MOB1A: variants seen among roughly 807,000 people sequenced by gnomAD.
MOB1A encodes the protein MOB1 Mps One Binder homolog A.
MOB1A carries 10 observed loss-of-function variants against 25.1 expected under a neutral mutation model. That is an observed-to-expected ratio of 0.40 (90% CI 0.25 to 0.68). The LOEUF is 0.68. Ranked by LOEUF, MOB1A falls within the 30% of genes least tolerant of loss-of-function variation. MOB1A has a pLI of 0.40. For synonymous variants in MOB1A, 81 were observed against 79.5 expected, an observed-to-expected ratio of 1.02 and a Z score of -0.10; for missense variants, 177 against 256.3, an observed-to-expected ratio of 0.69 and a Z score of 2.11.
At chr2:74,174,085 G>A (rs1404499404) in intron 1 of MOB1A, among the ~76,000 whole-genome samples, 1 of 149,126 alleles carries the variant, frequency 6.7e-6, no homozygotes, top group Non-Finnish European at 1.5e-5. Context: ...GCCCAACATG[G>A]TGAAACCCCG....
chr2:74,170,448 T>A (rs1290807737), intron 2 of MOB1A, among the ~76,000 whole-genome samples: 2 of 152,098 alleles, frequency 1.3e-5, no homozygotes, highest in Non-Finnish European at 2.9e-5. Flanking sequence ...TGAATAAAGT[T>A]TTTTAAAAAA....
chr2:74,158,961 A>C (rs2103692358), intron 5 of MOB1A, 130 bp downstream of exon 5: 1 of 923,188 alleles, frequency 1.1e-6, no homozygotes, highest in East Asian at 2.4e-5. Context: ...AAAAGAGAAC[A>C]AAACAGAAAA....
At position 74,159,100 on chromosome 2, in the gene MOB1A, G is replaced by A; in HGVS notation, c.564C>T (p.Phe188=). ...ACATGGATCAACTTACCTGAACAAA[G>A]AAAATAAAGTGCTTAAAGGAGGTGT... ...HLNTSFKHFI[F]FVQEFNLIDR... is the part of the protein sequence containing the mutation. Residue 188 remains phenylalanine (F), a synonymous_variant, in exon 5 of 6, where the codon TTC becomes TTT. Transcript: ENST00000396049. 1 of 1,613,736 alleles carries A rather than the reference G, an allele frequency of 6.2e-7. No individual in the cohort carries two copies. Among genetic ancestry groups the A allele is most frequent in the Non-Finnish European group, 8.5e-7 (1 of 1,179,812 alleles).
chr2:74,166,186 G>GAT, intron 3 of MOB1A, among the ~76,000 whole-genome samples: 1 of 151,902 alleles, frequency 6.6e-6, no homozygotes, highest in East Asian at 1.9e-4. Flanking sequence ...ATGAGTGATA[G>GAT]AGTTCCATCT....
chr2:74,160,594 G>A (rs1458317120), intron 4 of MOB1A, among the ~76,000 whole-genome samples: 4 of 151,824 alleles, frequency 2.6e-5, no homozygotes, highest in Admixed American at 6.6e-5. Flanking sequence ...CCAGCTACTC[G>A]GGAGGCTGAG....
chr2:74,175,832 T>C (rs1000552196), intron 1 of MOB1A, among the ~76,000 whole-genome samples: 1 of 152,062 alleles, frequency 6.6e-6, no homozygotes, highest in African/African-American at 2.4e-5. Context: ...TGTAAATACA[T>C]AGAAAATATC....
rs1489632155 is a variant in MOB1A at position 74,178,653 on chromosome 2, C to T, written c.14+8G>A. The stretch of plus-strand genomic sequence containing the variant: ...CAGGCCCGGCGCCCGCGGCCCGACC[C>T]CACTCACAAGAGGAAGCTCATCTTC... On this transcript the variant is annotated splice_region_variant and intron_variant, in intron 1 of 5. Transcript: ENST00000396049. The T allele has an allele frequency of 2.2e-6, 3 of 1,381,968 alleles. No homozygotes were observed. The South Asian group carries it at 5.2e-5, about 24-fold the overall frequency. The allele number at this position is 1,381,968 out of a possible 1,614,324, so 85.6% of individuals were successfully genotyped here. A position where few individuals can be genotyped will look rare whatever the true frequency, so the allele number is the denominator to read the frequency against.
chr2:74,166,941 A>T lies in MOB1A; in HGVS notation c.275+73T>A, dbSNP rs182144555. 5.0e-4 allele frequency: 536 copies of T among 1,079,070 alleles called. 1 individual carries two copies. Among genetic ancestry groups the T allele is most frequent in the Admixed American group, 1.3e-3 (63 of 49,718 alleles). The allele number at this position is 1,079,070 out of a possible 1,614,324, so 66.8% of individuals were successfully genotyped here. The stretch of plus-strand genomic sequence containing the variant: ...TCACACAAACGGATAACAAATCTTA[A>T]CTGTTTAATTTCTATCAATTGGTGA... On this transcript the variant is annotated intron_variant, in intron 3 of 5. Transcript: ENST00000396049.
At chr2:74,161,038 C>T (rs560016546) in intron 4 of MOB1A, among the ~76,000 whole-genome samples, 1 of 152,056 alleles carries the variant, frequency 6.6e-6, no homozygotes, top group Admixed American at 6.6e-5. Flanking sequence ...CCAGTCTGGG[C>T]GGCAGAGTGA....
chr2:74,173,208 T>G (rs747317032), intron 1 of MOB1A: 2 of 517,992 alleles, frequency 3.9e-6, no homozygotes, highest in African/African-American at 3.9e-5. Context: ...AATGCTTTTT[T>G]TCCCCTGCCT....
chr2:74,177,429 C>T lies in MOB1A; in HGVS notation c.14+1232G>A, dbSNP rs1028583266. Among the ~76,000 whole-genome samples the T allele has an allele frequency of 4.6e-5, 7 of 151,968 alleles. No individual in the cohort carries two copies. In the South Asian group the frequency reaches 1.0e-3, roughly 22 times the overall value. On this transcript the variant is annotated intron_variant, in intron 1 of 5. Transcript: ENST00000396049. ...TGCATTCACTAATTAAATATCAACT[C>T]GTAAGAAAAAAGTGGAGGAGGGAGG...
At chr2:74,172,780 A>G in intron 1 of MOB1A, 28 bp from the exon 2 acceptor site, 1 of 1,597,478 alleles carries the variant, frequency 6.3e-7, no homozygotes, top group South Asian at 1.1e-5. Context: ...CAAGTATATG[A>G]ATTTTTAAGA....
At position 74,152,929 on chromosome 2, in the gene MOB1A, A is replaced by G. The variant is rs1020839310; in HGVS notation, c.*3639T>C. 6.6e-6 allele frequency: 1 copy of G among 152,256 alleles called. No homozygotes were observed. Among genetic ancestry groups the G allele is most frequent in the African/African-American group, 2.4e-5 (1 of 41,472 alleles). The allele number at this position is 152,256 out of a possible 1,614,324, so 9.4% of individuals were successfully genotyped here. On this transcript the variant is annotated 3_prime_UTR_variant, in exon 6 of 6. Coordinates refer to ENST00000396049, the MANE Select transcript of MOB1A (RefSeq NM_018221.5). ...ATGAATGTCAGTGCAGTTGCTTCAA[A>G]AAAATTACTGCTACCACATGTACTA...
rs1300102664 is a variant in MOB1A at position 74,165,646 on chromosome 2, A to G, written c.276-295T>C. ...AGGAACTGCATTCCTGTAAAGCAGA[A>G]GGTTGCTGAGGGCTGGGCATGGAGC... On this transcript the variant is annotated intron_variant, in intron 3 of 5. Coordinates refer to ENST00000396049, the MANE Select transcript of MOB1A (RefSeq NM_018221.5). Among the ~76,000 whole-genome samples the G allele has an allele frequency of 3.3e-5, 5 of 152,310 alleles. No homozygotes were observed. The East Asian group carries it at 5.8e-4, about 18-fold the overall frequency.
rs1692743896 is a variant in MOB1A, at chr2:74,154,319, C to T, written c.*2249G>A. ...CCTCCAATTCTCCTCCTCCCCTTGG[C>T]TCCCTAGCCTTGGAGGTAAACACTA... is the stretch of plus-strand genomic sequence containing the variant. On this transcript the variant is annotated 3_prime_UTR_variant, in exon 6 of 6. Coordinates refer to ENST00000396049, the MANE Select transcript of MOB1A (RefSeq NM_018221.5). The T allele has an allele frequency of 6.6e-6, 1 of 152,178 alleles. No individual in the cohort carries two copies. The highest frequency in any genetic ancestry group is 6.6e-5 in the Admixed American group (1 of 15,260). 9.4% of individuals were successfully genotyped at this position (152,178 alleles called of 1,614,324 possible). A position where few individuals can be genotyped will look rare whatever the true frequency, so the allele number is the denominator to read the frequency against.
rs1250898595 is a variant in MOB1A at position 74,154,718 on chromosome 2, T to C, written c.*1850A>G. 6.6e-6 allele frequency: 1 copy of C among 152,238 alleles called. No homozygotes were observed. The highest frequency in any genetic ancestry group is 1.5e-5 in the Non-Finnish European group (1 of 68,038). The allele number at this position is 152,238 out of a possible 1,614,324, so 9.4% of individuals were successfully genotyped here. On this transcript the variant is annotated 3_prime_UTR_variant, in exon 6 of 6. Transcript: ENST00000396049. ...GTTTAAAGTTGAGAGGCAGTTCACA[T>C]CCTAAGTGATACCTAGAAACCTGCT... is the stretch of plus-strand genomic sequence containing the variant.
rs1692748847 is a variant in MOB1A at position 74,154,532 on chromosome 2, G to A, written c.*2036C>T. The A allele has an allele frequency of 7.8e-6, 1 of 128,036 alleles. No homozygotes were observed. Among genetic ancestry groups the A allele is most frequent in the Non-Finnish European group, 1.8e-5 (1 of 55,436 alleles). 7.9% of individuals were successfully genotyped at this position (128,036 alleles called of 1,614,324 possible). ...TCTTTCATTTGCTTTGGAGCTTAGTGGTGAAGAGAGGGAACATTTCCATAA... is the reference window on the plus strand; with the variant it reads ...TCTTTCATTTGCTTTGGAGCTTAGTAGTGAAGAGAGGGAACATTTCCATAA... On this transcript the variant is annotated 3_prime_UTR_variant, in exon 6 of 6. Transcript: ENST00000396049.
At chr2:74,177,750 GATA>G (rs1693516337) in intron 1 of MOB1A, among the ~76,000 whole-genome samples, 1 of 152,174 alleles carries the variant, frequency 6.6e-6, no homozygotes, top group African/African-American at 2.4e-5. Context: ...ACTAAAATTG[GATA>G]ATTATTCAAT....
At chr2:74,165,022 T>C (rs1480519609) in intron 4 of MOB1A, 196 bp downstream of exon 4, 2 of 330,328 alleles carry the variant, frequency 6.1e-6, no homozygotes, top group African/African-American at 2.1e-5. Flanking sequence ...AGATTTATCA[T>C]TCAAAAAGAG....
Sources: allele counts gnomAD v4.1 joint callset (sites outside exome capture counted in the v4.1 genomes callset), GRCh38; gene constraint gnomAD v4.1.1; transcripts MANE v1.5; gene names NCBI Gene and HGNC (gene_info 2026-07-23, HGNC 2026-07-21).